SEM1: variants seen among roughly 807,000 people sequenced by gnomAD.
SEM1 encodes SEM1 26S proteasome subunit.
SEM1 carries 3 observed loss-of-function variants against 12.7 expected under a neutral mutation model. That is an observed-to-expected ratio of 0.24 (90% CI 0.11 to 0.61). SEM1 has a LOEUF of 0.61. Among genes scored for constraint, SEM1 ranks in the 20% least tolerant of loss-of-function variants. SEM1 has a pLI of 0.88. For missense variants in SEM1, 59 were observed against 81.3 expected (o/e 0.73, Z 1.06); for synonymous variants, 30 against 27.8 (o/e 1.08, Z -0.25).
At chr7:96,487,020 C>T (rs964841771) in intron 1 of SEM1, among the ~76,000 whole-genome samples, 10 of 152,024 alleles carry the variant, frequency 6.6e-5, no homozygotes, top group Non-Finnish European at 1.5e-4. Context: ...AGCTTTTTGT[C>T]GTGTGCATGC....
At chr7:96,622,864 T>C (rs2116290966) in intron 2 of SEM1, 1 of 531,740 alleles carries the variant, frequency 1.9e-6, no homozygotes, top group East Asian at 3.0e-5. Flanking sequence ...GGTGAAATTC[T>C]AGCCACAGTG....
intron 2 of SEM1, among the ~76,000 whole-genome samples, chr7:96,527,088 A>G (rs181323531): frequency 1.3e-5 from 2 of 152,210 alleles, no homozygotes; most frequent in African/African-American, 2.4e-5. Context: ...AAGTTAACTC[A>G]GGTTGGTACA....
In SEM1 at chr7:96,517,846, T is replaced by C. The variant is rs1021677554; in HGVS notation, c.171-11148A>G. 3.3e-5 allele frequency among the ~76,000 whole-genome samples: 5 copies of C among 152,182 alleles called. No homozygotes were observed. The South Asian group carries it at 6.2e-4, about 19-fold the overall frequency. ...ACTGTTTTTCAGTCTCTAGTATATT[T>C]GACAGTAGTCAAATCTGCTAGTCCT... On this transcript the variant is annotated intron_variant and NMD_transcript_variant, in intron 2 of 3. Coordinates refer to the SEM1 transcript ENST00000466986.
chr7:96,659,913 C>CAAAAAAAAAAAAAAAAAAAAAAAAAAGAA (rs71529826), intron 2 of SEM1, among the ~76,000 whole-genome samples: 3 of 66,694 alleles, frequency 4.5e-5, no homozygotes, highest in Non-Finnish European at 8.9e-5. Context: ...AGTAAGATGG[C>CAAAAAAAAAAAAAAAAAAAAAAAAAAGAA]AAAAAAAAAA....
At chr7:96,553,674 G>A (rs1186332122) in intron 2 of SEM1, among the ~76,000 whole-genome samples, 1 of 152,104 alleles carries the variant, frequency 6.6e-6, no homozygotes, top group African/African-American at 2.4e-5. Flanking sequence ...ACTTGGTGAT[G>A]CAGGCTCTTT....
chr7:96,618,861 G>A (rs1403038367), downstream of SEM1, among the ~76,000 whole-genome samples: 1 of 152,138 alleles, frequency 6.6e-6, no homozygotes, highest in African/African-American at 2.4e-5. Flanking sequence ...TGAAGTGGGA[G>A]GATCACTTGA....
chr7:96,680,419 C>T (rs1364095461), intron 2 of SEM1, among the ~76,000 whole-genome samples: 2 of 152,000 alleles, frequency 1.3e-5, no homozygotes, highest in Non-Finnish European at 2.9e-5. Context: ...ACACAACCAA[C>T]AACAAAAAGA....
At chr7:96,631,749 T>C (rs1006421099) in intron 2 of SEM1, among the ~76,000 whole-genome samples, 1 of 152,036 alleles carries the variant, frequency 6.6e-6, no homozygotes, top group Non-Finnish European at 1.5e-5. Context: ...AAAGAAACTA[T>C]CATCAGAGTG....
chr7:96,595,935 A>T (rs1370231762), intron 2 of SEM1, among the ~76,000 whole-genome samples: 1 of 152,136 alleles, frequency 6.6e-6, no homozygotes, highest in East Asian at 1.9e-4. Flanking sequence ...GCCCTGTTAC[A>T]CACCTCTTCG....
In SEM1 at chr7:96,570,652, C is replaced by T. The variant is rs186009361; in HGVS notation, c.171-63954G>A. On this transcript the variant is annotated intron_variant and NMD_transcript_variant, in intron 2 of 3. Coordinates refer to the SEM1 transcript ENST00000466986. ...CTATTGTGAACAGTGCCGCGATAAACGATAAACATATGTGTGCATGTGTCT... is the reference window on the plus strand; with the variant it reads ...CTATTGTGAACAGTGCCGCGATAAATGATAAACATATGTGTGCATGTGTCT... 1.8e-4 allele frequency among the ~76,000 whole-genome samples: 27 copies of T among 152,168 alleles called. No homozygotes were observed. In the East Asian group the frequency reaches 2.1e-3, roughly 12 times the overall value.
At position 96,515,329 on chromosome 7, in the gene SEM1, C is replaced by G. The variant is rs117579574; in HGVS notation, c.171-8631G>C. Among the ~76,000 whole-genome samples the G allele has an allele frequency of 8.5e-5, 13 of 152,208 alleles. 2 individuals carry two copies. The South Asian group carries it at 2.5e-3, about 29-fold the overall frequency. On this transcript the variant is annotated intron_variant and NMD_transcript_variant, in intron 2 of 3. Coordinates refer to the SEM1 transcript ENST00000466986. ...TGCAAATCAAAACCACAAAGGGATA[C>G]CATCTCACGCCAATTAGAATGATGA...
chr7:96,498,337 ACGT>A (rs1803372587), upstream of SEM1, among the ~76,000 whole-genome samples: 1 of 151,066 alleles, frequency 6.6e-6, no homozygotes, highest in East Asian at 2.0e-4. Flanking sequence ...TAAAAATTAC[ACGT>A]CGTTTTGTGT....
downstream of SEM1, among the ~76,000 whole-genome samples, chr7:96,620,173 G>T (rs79649071): frequency 0.039 from 5,914 of 152,108 alleles, 139 homozygotes; most frequent in Admixed American, 0.058. Flanking sequence ...TGGTGCTTTG[G>T]GCCTGCGTCC....
At chr7:96,573,722 G>C (rs963235526) in intron 2 of SEM1, among the ~76,000 whole-genome samples, 1 of 151,958 alleles carries the variant, frequency 6.6e-6, no homozygotes, top group African/African-American at 2.4e-5. Context: ...TTCAACCTTG[G>C]TGAATCTGAT....
chr7:96,622,579 G>A (rs753627172), exon 3 of SEM1: 20 of 764,094 alleles, frequency 2.6e-5, no homozygotes, highest in South Asian at 5.4e-5. Context: ...CATGATCAAT[G>A]TGAAGCCTGA....
At chr7:96,641,258 C>T (rs1255971771) in intron 2 of SEM1, among the ~76,000 whole-genome samples, 1 of 151,864 alleles carries the variant, frequency 6.6e-6, no homozygotes, top group Non-Finnish European at 1.5e-5. Flanking sequence ...TTTGAGAAGA[C>T]TAGCTAGAGA....
chr7:96,518,293 C>T (rs1804159854), intron 2 of SEM1, among the ~76,000 whole-genome samples: 1 of 151,992 alleles, frequency 6.6e-6, no homozygotes, highest in South Asian at 2.1e-4. Context: ...TAGCAATGGG[C>T]ATAAAATATA....
chr7:96,513,844 C>A (rs115601806), intron 2 of SEM1, among the ~76,000 whole-genome samples: 16 of 151,620 alleles, frequency 1.1e-4, no homozygotes, highest in African/African-American at 3.6e-4. Context: ...TAAAAAAATT[C>A]GTTATAAAAA....
chr7:96,693,788 G>A lies in SEM1; in HGVS notation c.170+1010C>T, dbSNP rs1482264099. On this transcript the variant is annotated intron_variant, in intron 2 of 2. Coordinates refer to ENST00000248566, the MANE Select transcript of SEM1 (RefSeq NM_006304.2). Reference sequence around the variant, plus strand: ...TGTGTGTGTGTGTGTGTGTGTGTGTGTGTATATATATATATATAAAATTTC... The same window carrying A: ...TGTGTGTGTGTGTGTGTGTGTGTGTATGTATATATATATATATAAAATTTC... 5.4e-5 allele frequency among the ~76,000 whole-genome samples: 8 copies of A among 148,022 alleles called. No individual in the cohort carries two copies. In the East Asian group the frequency reaches 1.4e-3, roughly 25 times the overall value.
Sources: gnomAD v4.1 joint callset for allele counts (sites outside exome capture counted in the v4.1 genomes callset) on GRCh38, gnomAD v4.1.1 for gene constraint, MANE v1.5 for transcripts, NCBI Gene and HGNC (gene_info 2026-07-23, HGNC 2026-07-21) for gene names.